ZMYM4: variants seen among roughly 807,000 people sequenced by gnomAD.
ZMYM4 encodes the protein zinc finger MYM-type protein 4.
Under a neutral mutation model 183.2 loss-of-function variants are expected in ZMYM4, and 31 were observed. That is an observed-to-expected ratio of 0.17 (90% CI 0.13 to 0.23). The LOEUF (loss-of-function observed/expected upper bound fraction) is 0.23, where lower values mean the gene tolerates loss of function less well. Among genes scored for constraint, ZMYM4 ranks in the 10% least tolerant of loss-of-function variants. ZMYM4 has a pLI of 1.00. For synonymous variants in ZMYM4, 592 were observed against 631.2 expected, an observed-to-expected ratio of 0.94 and a Z score of 0.93; for missense variants, 1,273 against 1,840.3, an observed-to-expected ratio of 0.69 and a Z score of 5.64.
chr1:35,398,705 GAGACTGATGAACAAGTTACCTC>G (rs1644850810), intron 21 of ZMYM4, among the ~76,000 whole-genome samples, 137 bp from the exon 22 acceptor site: 1 of 152,166 alleles, frequency 6.6e-6, no homozygotes, highest in African/African-American at 2.4e-5. Context: ...CCAGTTCTTT[GAGACTGATGAACAAGTTACCTC>G]ATTCTTGAGT....
chr1:35,333,923 G>T (rs979795750), intron 2 of ZMYM4, among the ~76,000 whole-genome samples: 1 of 151,534 alleles, frequency 6.6e-6, no homozygotes, highest in African/African-American at 2.4e-5. Flanking sequence ...GTCGTTTAAG[G>T]TTTTTTCTGC....
Position 35,408,187 on chromosome 1 carries a change from A to T in ZMYM4, c.3948+28A>T, listed in dbSNP as rs759748503. 8.1e-6 allele frequency: 13 copies of T among 1,612,830 alleles called. No homozygotes were observed. In the South Asian group the frequency reaches 1.3e-4, roughly 16 times the overall value. On this transcript the variant is annotated intron_variant, in intron 26 of 29. Coordinates refer to ENST00000314607, the MANE Select transcript of ZMYM4 (RefSeq NM_005095.3). The stretch of plus-strand genomic sequence containing the variant: ...ATCAAGTTAAACATATGGATTCTTC[A>T]ACCTAGCAAATCCATTGACCAGAAT...
intron 1 of ZMYM4, among the ~76,000 whole-genome samples, chr1:35,308,730 G>A (rs905551707): frequency 1.3e-5 from 2 of 152,068 alleles, no homozygotes; most frequent in Non-Finnish European, 2.9e-5. Context: ...GCATGGTGGC[G>A]CATGCCTGTA....
At chr1:35,355,200 CTTTTTTTTT>C (rs1013941289) in intron 2 of ZMYM4, among the ~76,000 whole-genome samples, 3,523 of 77,230 alleles carry the variant, frequency 0.046, 230 homozygotes, top group East Asian at 0.33. Flanking sequence ...CGCCTGGCTT[CTTTTTTTTT>C]TTTTTTTTTT....
At chr1:35,354,457 G>C (rs564389846) in intron 2 of ZMYM4, among the ~76,000 whole-genome samples, 1 of 152,178 alleles carries the variant, frequency 6.6e-6, no homozygotes, top group Non-Finnish European at 1.5e-5. Context: ...TGGGCGTGGT[G>C]TCAAACGCCT....
chr1:35,365,089 T>C (rs1644037339), intron 5 of ZMYM4, among the ~76,000 whole-genome samples: 1 of 152,190 alleles, frequency 6.6e-6, no homozygotes, highest in African/African-American at 2.4e-5. Flanking sequence ...TTACACGTAC[T>C]GTGTTGCTTA....
rs1162306845 is a variant in ZMYM4, at chr1:35,399,561, C to G, written c.3513C>G (p.Pro1171=). Residue 1171 remains proline (P), a synonymous_variant, in exon 23 of 30, where the codon CCC becomes CCG. Transcript: ENST00000314607. The part of the protein sequence containing the change: ...RTRRRHRDGF[P]QPRRRGRKKS... ...GACGACGACACAGAGATGGCTTCCC[C>G]CAACCCAGACGAAGAGTAAGCTGCA... 1.5e-5 allele frequency: 25 copies of G among 1,614,100 alleles called. 1 individual carries two copies. In the East Asian group the frequency reaches 5.6e-4, roughly 36 times the overall value.
intron 1 of ZMYM4, among the ~76,000 whole-genome samples, chr1:35,275,455 C>T (rs1179268923): frequency 6.6e-6 from 1 of 152,140 alleles, no homozygotes; most frequent in Non-Finnish European, 1.5e-5. Context: ...TCTTGAACTC[C>T]TGACCTCATG....
intron 1 of ZMYM4, among the ~76,000 whole-genome samples, chr1:35,302,526 T>C (rs618654): frequency 1 from 151,557 of 151,562 alleles, 75,776 homozygotes; most frequent in Middle Eastern, 1. Context: ...GCTGGAACTA[T>C]GGGTGCCTGC....
At chr1:35,338,638 A>G (rs1196621453) in intron 2 of ZMYM4, among the ~76,000 whole-genome samples, 1 of 152,226 alleles carries the variant, frequency 6.6e-6, no homozygotes, top group African/African-American at 2.4e-5. Context: ...CACTTGATTT[A>G]TTAGACTTTT....
chr1:35,334,703 A>G (rs1415461097), intron 2 of ZMYM4, among the ~76,000 whole-genome samples: 2 of 152,224 alleles, frequency 1.3e-5, no homozygotes, highest in Admixed American at 6.5e-5. Context: ...AGATTCAGAT[A>G]TACATAATAG....
chr1:35,351,016 G>GT (rs1446360877), intron 2 of ZMYM4: 6 of 901,218 alleles, frequency 6.7e-6, no homozygotes, highest in African/African-American at 6.6e-5. Flanking sequence ...GCAGCGCATT[G>GT]TACTGGCCTG....
At chr1:35,286,893 AT>A (rs1640527075) in intron 1 of ZMYM4, among the ~76,000 whole-genome samples, 1 of 130,520 alleles carries the variant, frequency 7.7e-6, no homozygotes, top group Admixed American at 9.4e-5. Context: ...CCTCCCAAAG[AT>A]TATAGGTGTG....
intron 2 of ZMYM4, chr1:35,351,109 A>G (rs1643589849): frequency 2.2e-6 from 2 of 900,352 alleles, no homozygotes; most frequent in Non-Finnish European, 3.7e-6. Flanking sequence ...GGTAAATACA[A>G]TGTGGAAGGC....
At chr1:35,416,623 G>GT (rs1640124099) in intron 28 of ZMYM4, among the ~76,000 whole-genome samples, 1 of 152,212 alleles carries the variant, frequency 6.6e-6, no homozygotes, top group Admixed American at 6.5e-5. Flanking sequence ...GAGTGCAGTG[G>GT]TGTGATCTCA....
intron 1 of ZMYM4, among the ~76,000 whole-genome samples, chr1:35,311,440 A>G (rs968930385): frequency 2.6e-5 from 4 of 151,296 alleles, no homozygotes; most frequent in Admixed American, 2.6e-4. Flanking sequence ...AAAAAAAAAA[A>G]GTCATAAATG....
In ZMYM4 at chr1:35,370,727, CTTTTT is replaced by C. The variant is rs3066096; in HGVS notation, c.1181+118_1181+122del. Reference sequence around the variant, plus strand: ...TACATTTGATATTCTACATTTATTCCTTTTTTTTTTTTTTTTTTTTTTGAGAAATA... The same window carrying C: ...TACATTTGATATTCTACATTTATTCCTTTTTTTTTTTTTTTTTGAGAAATA... On this transcript the variant is annotated intron_variant, in intron 7 of 29. Transcript: ENST00000314607. 2.8e-3 allele frequency: 793 copies of C among 284,050 alleles called. 1 individual carries two copies. The highest frequency in any genetic ancestry group is 0.016 in the Middle Eastern group (13 of 798). 17.6% of individuals were successfully genotyped at this position (284,050 alleles called of 1,614,324 possible). A position where few individuals can be genotyped will look rare whatever the true frequency, so the allele number is the denominator to read the frequency against.
At chr1:35,357,126 A>T (rs1353137041) in intron 2 of ZMYM4, among the ~76,000 whole-genome samples, 2 of 152,106 alleles carry the variant, frequency 1.3e-5, no homozygotes. Flanking sequence ...CTGGCCTCAA[A>T]CAATCCTCTG....
chr1:35,331,923 AG>A (rs1265240584), intron 2 of ZMYM4, among the ~76,000 whole-genome samples: 1 of 151,906 alleles, frequency 6.6e-6, no homozygotes, highest in Non-Finnish European at 1.5e-5. Flanking sequence ...GTAGGATAAG[AG>A]GGTGGTAAAA....
Sources: gnomAD v4.1 joint callset for allele counts (sites outside exome capture counted in the v4.1 genomes callset) on GRCh38, gnomAD v4.1.1 for gene constraint, MANE v1.5 for transcripts, NCBI Gene and HGNC (gene_info 2026-07-23, HGNC 2026-07-21) for gene names.